The following BCAT1 variants were observed in gnomAD, a reference collection of about 807,000 sequenced individuals.
BCAT1 encodes the protein branched-chain-amino-acid aminotransferase, cytosolic.
BCAT1 carries 48 observed loss-of-function variants against 52.4 expected under a neutral mutation model. The observed-to-expected ratio is 0.92, with a 90% CI of 0.73 to 1.16. BCAT1 has a LOEUF of 1.16. Among genes scored for constraint, BCAT1 ranks in the 50% most tolerant of loss-of-function variants. The pLI is 0.00. For synonymous variants in BCAT1, 167 were observed against 161.3 expected (o/e 1.04, Z -0.27); for missense variants, 451 against 457.1 (o/e 0.99, Z 0.12).
intron 1 of BCAT1, among the ~76,000 whole-genome samples, chr12:24,947,330 CTA>C (rs1433619256): frequency 6.6e-6 from 1 of 152,152 alleles, no homozygotes; most frequent in African/African-American, 2.4e-5. Context: ...AGTGTATATC[CTA>C]TGTTTCTTAT....
In BCAT1 at chr12:24,816,342, T is replaced by G; in HGVS notation, c.*1666A>C. The G allele has an allele frequency of 2.5e-6, 1 of 395,114 alleles. No individual in the cohort carries two copies. Among genetic ancestry groups the G allele is most frequent in the African/African-American group, 2.1e-5 (1 of 48,598 alleles). The allele number at this position is 395,114 out of a possible 1,614,324, so 24.5% of individuals were successfully genotyped here. On this transcript the variant is annotated 3_prime_UTR_variant, in exon 11 of 11. Transcript: ENST00000261192. ...TCAGCAAGAAGGAAGTTATGAGGACTGAGGGAAACCAAAATACAATGTCTG... is the reference window on the plus strand; with the variant it reads ...TCAGCAAGAAGGAAGTTATGAGGACGGAGGGAAACCAAAATACAATGTCTG...
At chr12:24,843,771 G>A (rs564002983) in intron 6 of BCAT1, among the ~76,000 whole-genome samples, 3 of 152,202 alleles carry the variant, frequency 2.0e-5, no homozygotes, top group African/African-American at 7.2e-5. Context: ...TGACAATATA[G>A]CATCTTGCCC....
intron 3 of BCAT1, among the ~76,000 whole-genome samples, chr12:24,881,640 G>A (rs1055793868): frequency 6.6e-6 from 1 of 152,164 alleles, no homozygotes; most frequent in African/African-American, 2.4e-5. Context: ...TAGGAATTCC[G>A]AGTTCTCCTC....
chr12:24,825,793 A>G (rs890325638), intron 10 of BCAT1, among the ~76,000 whole-genome samples: 5 of 152,140 alleles, frequency 3.3e-5, no homozygotes, highest in African/African-American at 4.8e-5. Context: ...ATTTTCATCC[A>G]TTCTTTGGGT....
chr12:24,902,875 G>C, intron 1 of BCAT1: 1 of 1,506,662 alleles, frequency 6.6e-7, no homozygotes, highest in Non-Finnish European at 8.8e-7. Flanking sequence ...AAGGCGCCCG[G>C]CCAGGCCCGC....
chr12:24,853,449 A>G (rs1353665336), intron 5 of BCAT1, among the ~76,000 whole-genome samples: 4 of 152,186 alleles, frequency 2.6e-5, no homozygotes, highest in Non-Finnish European at 5.9e-5. Context: ...GGGATTCCAA[A>G]AGAGGGGGAG....
Position 24,810,215 on chromosome 12 carries a change from C to A in BCAT1, c.*7793G>T, listed in dbSNP as rs766324591. ...TAGGAAGCATCTACACCTCAGCTGT[C>A]GGCCGTTTGGTTACAGAAATGCGAT... is the stretch of plus-strand genomic sequence containing the variant. On this transcript the variant is annotated 3_prime_UTR_variant, in exon 11 of 11. Coordinates refer to ENST00000261192, the MANE Select transcript of BCAT1 (RefSeq NM_005504.7). 2.0e-5 allele frequency: 3 copies of A among 152,104 alleles called. No homozygotes were observed. In the South Asian group the frequency reaches 6.2e-4, roughly 32 times the overall value. The allele number at this position is 152,104 out of a possible 1,614,324, so 9.4% of individuals were successfully genotyped here.
At chr12:24,923,492 G>A (rs1485261623) in intron 1 of BCAT1, among the ~76,000 whole-genome samples, 1 of 152,136 alleles carries the variant, frequency 6.6e-6, no homozygotes. Flanking sequence ...TCAGATCACT[G>A]CAACCTCTGC....
intron 3 of BCAT1, among the ~76,000 whole-genome samples, chr12:24,883,764 A>G (rs1381450044): frequency 1.3e-5 from 2 of 152,170 alleles, no homozygotes; most frequent in Non-Finnish European, 2.9e-5. Flanking sequence ...TGCAGAGTGC[A>G]ATCATTCTAC....
At position 24,919,287 on chromosome 12, in the gene BCAT1, G is replaced by A. The variant is rs73063650; in HGVS notation, c.7-17402C>T. Among the ~76,000 whole-genome samples, 282 of 152,238 alleles carry A rather than the reference G, an allele frequency of 1.9e-3. 2 individuals carry two copies. Among genetic ancestry groups the A allele is most frequent in the Non-Finnish European group, 3.4e-3 (229 of 68,014 alleles). ...CTTTGCCTTTTCTCCTAACTTCCTC[G>A]CATTTCTGGATAGACAGTGAAATGT... is the stretch of plus-strand genomic sequence containing the variant. On this transcript the variant is annotated intron_variant, in intron 1 of 10. Transcript: ENST00000261192.
intron 1 of BCAT1, among the ~76,000 whole-genome samples, chr12:24,917,941 A>G (rs1263681596): frequency 6.6e-6 from 1 of 152,252 alleles, no homozygotes; most frequent in Non-Finnish European, 1.5e-5. Context: ...GCATTGTTCC[A>G]GTCTCTTACT....
At chr12:24,829,767 T>A in intron 10 of BCAT1, 56 bp downstream of exon 10, 2 of 1,353,288 alleles carry the variant, frequency 1.5e-6, no homozygotes, top group Non-Finnish European at 2.0e-6. Flanking sequence ...AGAAATAAGG[T>A]GACATAAAAA....
intron 5 of BCAT1, among the ~76,000 whole-genome samples, chr12:24,866,803 A>G (rs1251428838): frequency 1.3e-5 from 2 of 152,132 alleles, no homozygotes; most frequent in Non-Finnish European, 2.9e-5. Flanking sequence ...GACAAAACAG[A>G]CCAATCAGCT....
At chr12:24,937,874 G>A (rs1318617802) in intron 1 of BCAT1, among the ~76,000 whole-genome samples, 1 of 152,198 alleles carries the variant, frequency 6.6e-6, no homozygotes, top group Non-Finnish European at 1.5e-5. Flanking sequence ...ATAGGTCTTG[G>A]ACCAAAAATG....
At chr12:24,939,825 C>T (rs1317526220) in intron 1 of BCAT1, among the ~76,000 whole-genome samples, 3 of 152,178 alleles carry the variant, frequency 2.0e-5, no homozygotes, top group Non-Finnish European at 2.9e-5. Context: ...CAGAGCAAGA[C>T]TCTGTCTCAA....
chr12:24,922,433 T>C (rs1300188267), intron 1 of BCAT1, among the ~76,000 whole-genome samples: 2 of 152,214 alleles, frequency 1.3e-5, no homozygotes, highest in African/African-American at 4.8e-5. Flanking sequence ...TATTTCACCA[T>C]ATTTTTCATA....
At chr12:24,871,039 A>C (rs1012727445) in intron 5 of BCAT1, among the ~76,000 whole-genome samples, 4 of 152,182 alleles carry the variant, frequency 2.6e-5, no homozygotes, top group Non-Finnish European at 4.4e-5. Flanking sequence ...AGAAAAAAAA[A>C]AGATTGTTAT....
chr12:24,820,675 G>T (rs1455689919), intron 10 of BCAT1, among the ~76,000 whole-genome samples: 1 of 152,130 alleles, frequency 6.6e-6, no homozygotes, highest in African/African-American at 2.4e-5. Context: ...TCGAGCCTGC[G>T]GGATGGTATT....
Position 24,849,848 on chromosome 12 carries a change from C to G in BCAT1, c.612G>C (p.Leu204=), listed in dbSNP as rs1941452920. The change falls in exon 6 of 11, where the codon CTG becomes CTC. Residue 204 remains leucine (L), a synonymous_variant. Coordinates refer to ENST00000261192, the MANE Select transcript of BCAT1 (RefSeq NM_005504.7). ...CTCTTACATACTTGGGATTGGCCCA[C>G]AGGGACACTGGATTAAAGGTTCCAC... The part of the protein sequence containing the change: ...FSSGTFNPVS[L]WANPKYVRAW... 6.2e-7 allele frequency: 1 copy of G among 1,613,824 alleles called. No individual in the cohort carries two copies. Among genetic ancestry groups the G allele is most frequent in the Non-Finnish European group, 8.5e-7 (1 of 1,179,814 alleles).
Sources: gnomAD v4.1 joint callset for allele counts (sites outside exome capture counted in the v4.1 genomes callset) on GRCh38, gnomAD v4.1.1 for gene constraint, MANE v1.5 for transcripts, NCBI Gene and HGNC (gene_info 2026-07-23, HGNC 2026-07-21) for gene names.